Variants in SRFBP1 observed in about 807,000 individuals in gnomAD.
SRFBP1 encodes the protein serum response factor binding protein 1.
SRFBP1 carries 47 observed loss-of-function variants against 45.5 expected under a neutral mutation model. That is an observed-to-expected ratio of 1.03 (90% CI 0.82 to 1.32). The LOEUF is 1.32. Ranked by LOEUF, SRFBP1 falls within the 40% of genes most tolerant of loss-of-function variation. SRFBP1 has a pLI of 0.00. For missense variants in SRFBP1, 621 were observed against 484.6 expected, an observed-to-expected ratio of 1.28 and a Z score of -2.64; for synonymous variants, 203 against 166.3, an observed-to-expected ratio of 1.22 and a Z score of -1.70.
intron 5 of SRFBP1, among the ~76,000 whole-genome samples, chr5:122,019,859 T>C (rs1235225575): frequency 6.6e-6 from 1 of 152,134 alleles, no homozygotes; most frequent in Admixed American, 6.6e-5. Context: ...AAGAAAACAT[T>C]TTCTTTTCAT....
intron 4 of SRFBP1, among the ~76,000 whole-genome samples, chr5:121,998,620 G>A (rs80130063): frequency 2.0e-5 from 3 of 148,954 alleles, no homozygotes; most frequent in Admixed American, 2.0e-4. Context: ...ACATATGTAA[G>A]TAACCTGCAC....
At chr5:121,994,034 T>A (rs1014624747) in intron 3 of SRFBP1, among the ~76,000 whole-genome samples, 3 of 152,064 alleles carry the variant, frequency 2.0e-5, no homozygotes, top group Non-Finnish European at 4.4e-5. Context: ...GAGAAGAAGA[T>A]ACAATTGTTG....
intron 2 of SRFBP1, among the ~76,000 whole-genome samples, chr5:122,072,174 G>C (rs1754470543): frequency 2.0e-5 from 3 of 152,110 alleles, no homozygotes; most frequent in South Asian, 4.1e-4. Context: ...TTTACATAAT[G>C]CTTCAGTGCT....
intron 6 of SRFBP1, among the ~76,000 whole-genome samples, chr5:122,021,217 A>G (rs1222196370): frequency 6.6e-6 from 1 of 152,182 alleles, no homozygotes; most frequent in Non-Finnish European, 1.5e-5. Context: ...ACTGTCTAGT[A>G]CCATTTCAGT....
At chr5:121,990,812 G>A (rs1180501221) in intron 3 of SRFBP1, among the ~76,000 whole-genome samples, 1 of 152,078 alleles carries the variant, frequency 6.6e-6, no homozygotes, top group East Asian at 1.9e-4. Flanking sequence ...ATTTTCTTTT[G>A]ACTACATGTC....
intron 4 of SRFBP1, among the ~76,000 whole-genome samples, chr5:121,994,931 G>C (rs1580513492): frequency 6.6e-6 from 1 of 151,964 alleles, no homozygotes; most frequent in Non-Finnish European, 1.5e-5. Context: ...AAATTAGTCT[G>C]CTGATCATAC....
At chr5:122,006,789 A>G in intron 4 of SRFBP1, among the ~76,000 whole-genome samples, 1 of 150,626 alleles carries the variant, frequency 6.6e-6, no homozygotes, top group East Asian at 1.9e-4. Flanking sequence ...TTGGTATTTT[A>G]TTGTTTTCTT....
chr5:122,026,774 TTTCAAC>T (rs1753489933), intron 7 of SRFBP1, among the ~76,000 whole-genome samples, 162 bp from the exon 8 acceptor site: 1 of 152,158 alleles, frequency 6.6e-6, no homozygotes, highest in Non-Finnish European at 1.5e-5. Flanking sequence ...GTATATAAAT[TTTCAAC>T]TTCAAACTAT....
intron 4 of SRFBP1, among the ~76,000 whole-genome samples, chr5:122,008,604 C>G (rs1489265258): frequency 6.6e-6 from 1 of 151,906 alleles, no homozygotes; most frequent in Non-Finnish European, 1.5e-5. Context: ...TTTCTAATTT[C>G]TGTGCTATAC....
At chr5:121,993,879 T>TG (rs1752664763) in intron 3 of SRFBP1, among the ~76,000 whole-genome samples, 1 of 152,134 alleles carries the variant, frequency 6.6e-6, no homozygotes, top group East Asian at 1.9e-4. Flanking sequence ...TTTTCTTTTA[T>TG]TGATTAGTTG....
At chr5:122,071,474 G>T (rs929802071) in intron 2 of SRFBP1, among the ~76,000 whole-genome samples, 1 of 152,044 alleles carries the variant, frequency 6.6e-6, no homozygotes, top group African/African-American at 2.4e-5. Context: ...ATTGATGAAT[G>T]CCACATCACT....
chr5:121,986,776 G>C (rs773960435), intron 3 of SRFBP1, among the ~76,000 whole-genome samples: 5 of 151,954 alleles, frequency 3.3e-5, no homozygotes, highest in Non-Finnish European at 5.9e-5. Context: ...TTCATTATTA[G>C]TGGTATTTAA....
At chr5:122,004,932 A>C (rs1323739590) in intron 4 of SRFBP1, among the ~76,000 whole-genome samples, 1 of 151,940 alleles carries the variant, frequency 6.6e-6, no homozygotes, top group East Asian at 1.9e-4. Context: ...ATGATGTTTA[A>C]TTTTCATGGA....
chr5:121,993,560 G>C (rs1279147112), intron 3 of SRFBP1, among the ~76,000 whole-genome samples: 1 of 152,104 alleles, frequency 6.6e-6, no homozygotes, highest in African/African-American at 2.4e-5. Context: ...CTACCACCCA[G>C]TTATAGGACC....
intron 3 of SRFBP1, among the ~76,000 whole-genome samples, chr5:121,982,907 T>G (rs892901144): frequency 1.3e-5 from 2 of 151,828 alleles, no homozygotes; most frequent in Non-Finnish European, 3.0e-5. Flanking sequence ...AACCTAAACC[T>G]TAGCCAAACA....
chr5:122,046,611 G>C (rs887285243), intron 2 of SRFBP1, among the ~76,000 whole-genome samples: 2 of 152,176 alleles, frequency 1.3e-5, no homozygotes, highest in Non-Finnish European at 2.9e-5. Context: ...AGATCCCTGA[G>C]GAATAGCCAC....
At chr5:122,033,426 C>A (rs1179251953), downstream of SRFBP1, among the ~76,000 whole-genome samples, 8 of 151,854 alleles carry the variant, frequency 5.3e-5, no homozygotes, top group African/African-American at 1.7e-4. Flanking sequence ...TCTTTCCTTA[C>A]AACGGTTTGC....
chr5:122,020,371 T>C lies in SRFBP1; in HGVS notation c.636T>C (p.Ser212=). 6.2e-7 allele frequency: 1 copy of C among 1,614,138 alleles called. No individual in the cohort carries two copies. Among genetic ancestry groups the C allele is most frequent in the Non-Finnish European group, 8.5e-7 (1 of 1,179,998 alleles). The change falls in exon 6 of 8, where the codon TCT becomes TCC. Residue 212 remains serine (S), a synonymous_variant. Transcript: ENST00000339397. ...CATCAAAGCCTTCAGAAAAGGATTC[T>C]GTAGTTTCCCTTGAGTCCCAGAAGA... ...NSPSKPSEKD[S]VVSLESQKTP...
intron 5 of SRFBP1, 139 bp downstream of exon 5, chr5:122,019,480 T>A (rs1753258450): frequency 4.6e-6 from 3 of 647,326 alleles, no homozygotes; most frequent in Non-Finnish European, 7.3e-6. Context: ...GGAAGGTGTC[T>A]GAAAATACAG....
Sources: allele counts gnomAD v4.1 joint callset (sites outside exome capture counted in the v4.1 genomes callset), GRCh38; gene constraint gnomAD v4.1.1; transcripts MANE v1.5; gene names NCBI Gene and HGNC (gene_info 2026-07-23, HGNC 2026-07-21).